TASP1: variants seen among roughly 807,000 people sequenced by gnomAD.
TASP1 encodes the protein threonine aspartase 1.
A neutral mutation model predicts 56.6 loss-of-function variants in TASP1; 16 were observed. The observed-to-expected ratio is 0.28, with a 90% CI of 0.19 to 0.43. The LOEUF is 0.43. Among genes scored for constraint, TASP1 ranks in the 20% least tolerant of loss-of-function variants. The probability of loss-of-function intolerance (pLI) is 1.00; values close to 1 mark genes in which losing one functional copy is unlikely to be tolerated. For synonymous variants in TASP1, 179 were observed against 184.2 expected, an observed-to-expected ratio of 0.97 and a Z score of 0.23; for missense variants, 393 against 511.6, an observed-to-expected ratio of 0.77 and a Z score of 2.24.
the TASP1 span, among the ~76,000 whole-genome samples, chr20:13,196,800 A>G: frequency 6.6e-6 from 1 of 152,156 alleles, no homozygotes; most frequent in Non-Finnish European, 1.5e-5. Flanking sequence ...TATAGCCCAC[A>G]TCATATCTCC....
the TASP1 span, among the ~76,000 whole-genome samples, chr20:13,235,863 A>T: frequency 5.9e-5 from 9 of 152,178 alleles, no homozygotes; most frequent in Admixed American, 5.2e-4. Context: ...AGATGCAACA[A>T]GAGAAACAGA....
At chr20:13,512,819 C>G (rs1045489675) in intron 10 of TASP1, among the ~76,000 whole-genome samples, 2 of 152,142 alleles carry the variant, frequency 1.3e-5, no homozygotes, top group East Asian at 3.8e-4. Flanking sequence ...CTTCTACATA[C>G]AGCTAGCCAG....
chr20:13,630,826 T>A (rs2049060850), intron 1 of TASP1, among the ~76,000 whole-genome samples: 1 of 152,214 alleles, frequency 6.6e-6, no homozygotes, highest in South Asian at 2.1e-4. Flanking sequence ...CAGTGTTTAT[T>A]ACCAGCCCAC....
chr20:13,271,705 C>T, the TASP1 span, among the ~76,000 whole-genome samples: 11 of 152,178 alleles, frequency 7.2e-5, no homozygotes, highest in Non-Finnish European at 1.6e-4. Context: ...CAAAGATGGT[C>T]CCCATGATGG....
In TASP1 at chr20:13,417,486, A is replaced by T. The variant is rs761006737; in HGVS notation, c.1132T>A (p.Cys378Ser). Residue 378 changes from cysteine to serine, a missense_variant, in exon 13 of 14, where the codon TGT becomes AGT. Cys to Ser is a moderately radical substitution (Grantham distance 112, BLOSUM62 -1). This residue lies in a region of TASP1 where 293 missense variants were observed against 354.2 expected (regional missense o/e 0.83). Coordinates refer to ENST00000337743, the MANE Select transcript of TASP1 (RefSeq NM_017714.3). ...FLWSHTTESM[C>S]VGYMSAQDGK... ...TCCTGGGCTGACATATATCCGACAC[A>T]CATGCTCTCCGTCGTGTGGCTCCAC... 2 of 1,614,180 alleles carry T rather than the reference A, an allele frequency of 1.2e-6. No homozygotes were observed. The highest frequency in any genetic ancestry group is 1.7e-6 in the Non-Finnish European group (2 of 1,180,014).
At chr20:13,359,045 AG>A in the TASP1 span, among the ~76,000 whole-genome samples, 14 of 149,326 alleles carry the variant, frequency 9.4e-5, no homozygotes, top group Admixed American at 8.0e-4. Flanking sequence ...CCGCTTTCCT[AG>A]GGGGCAAGAA....
At chr20:13,250,355 G>A in the TASP1 span, among the ~76,000 whole-genome samples, 241 of 152,316 alleles carry the variant, frequency 1.6e-3, 1 homozygote, top group Non-Finnish European at 2.7e-3. Flanking sequence ...GCTCAGAGTC[G>A]ATTCAGCTTG....
At chr20:13,599,794 A>T (rs1385709176) in intron 4 of TASP1, among the ~76,000 whole-genome samples, 1 of 151,270 alleles carries the variant, frequency 6.6e-6, no homozygotes, top group Non-Finnish European at 1.5e-5. Context: ...CGTGATTTAA[A>T]AAAAAAAAAA....
chr20:13,446,124 T>C (rs2043401751), intron 11 of TASP1, among the ~76,000 whole-genome samples: 1 of 152,100 alleles, frequency 6.6e-6, no homozygotes, highest in South Asian at 2.1e-4. Context: ...GGAGACAGTA[T>C]TTTAATCAGG....
chr20:13,483,258 G>A lies in TASP1; in HGVS notation c.954C>T (p.Ala318=). Residue 318 remains alanine, a synonymous_variant, in exon 11 of 14, where the codon GCC becomes GCT. Coordinates refer to ENST00000337743, the MANE Select transcript of TASP1 (RefSeq NM_017714.3). The stretch of plus-strand genomic sequence containing the variant: ...ACTTGTTTTGCATAGTCTCCAACAG[G>A]GCTTGGTGAGCATCCTCAGCTTGTA... ...HALQAEDAHQ[A]LLETMQNKFI... is the part of the protein sequence containing the mutation. The A allele has an allele frequency of 6.3e-7, 1 of 1,595,880 alleles. No homozygotes were observed. The highest frequency in any genetic ancestry group is 8.5e-7 in the Non-Finnish European group (1 of 1,170,578).
the TASP1 span, among the ~76,000 whole-genome samples, chr20:13,318,104 C>T: frequency 0.13 from 18,425 of 138,868 alleles, 1,253 homozygotes; most frequent in Admixed American, 0.2. Flanking sequence ...ACAAACAACC[C>T]GATTCTTTAA....
intron 11 of TASP1, among the ~76,000 whole-genome samples, chr20:13,459,316 C>A (rs879267561): frequency 2.0e-5 from 3 of 152,146 alleles, no homozygotes; most frequent in Admixed American, 2.0e-4. Flanking sequence ...ACAGTGCATA[C>A]CTTCTGGTTC....
At chr20:13,312,488 CAG>C in the TASP1 span, among the ~76,000 whole-genome samples, 3 of 152,196 alleles carry the variant, frequency 2.0e-5, no homozygotes, top group Admixed American at 2.0e-4. Context: ...CCCTCATGCA[CAG>C]TCTGAGATAA....
the TASP1 span, chr20:13,221,877 A>T: frequency 1.4e-6 from 2 of 1,412,732 alleles, no homozygotes; most frequent in East Asian, 6.1e-5. Context: ...GACGGGCCCG[A>T]CGCGGCCGCG....
intron 12 of TASP1, among the ~76,000 whole-genome samples, chr20:13,433,048 C>T (rs928892663): frequency 2.6e-5 from 4 of 152,080 alleles, no homozygotes; most frequent in Non-Finnish European, 5.9e-5. Context: ...CATAGGTATA[C>T]ACGTGCCATG....
the TASP1 span, among the ~76,000 whole-genome samples, chr20:13,156,100 A>G: frequency 3.9e-5 from 6 of 152,208 alleles, no homozygotes; most frequent in African/African-American, 1.4e-4. Context: ...ACATTTATTC[A>G]AAATGATTGG....
At chr20:13,276,033 G>A in the TASP1 span, among the ~76,000 whole-genome samples, 5 of 152,228 alleles carry the variant, frequency 3.3e-5, no homozygotes, top group Admixed American at 1.3e-4. Flanking sequence ...GCAGGTGTGA[G>A]AAGAGGGAAT....
At chr20:13,508,528 C>G (rs1267659282) in intron 10 of TASP1, among the ~76,000 whole-genome samples, 1 of 152,048 alleles carries the variant, frequency 6.6e-6, no homozygotes, top group African/African-American at 2.4e-5. Context: ...CTGAAAAACT[C>G]CGAAATTCAA....
chr20:13,385,194 C>A (rs2041155449), downstream of TASP1, among the ~76,000 whole-genome samples: 1 of 152,190 alleles, frequency 6.6e-6, no homozygotes, highest in Non-Finnish European at 1.5e-5. Flanking sequence ...CTGGCCTCTG[C>A]AAATTTCTTA....
Sources: gnomAD v4.1 joint callset for allele counts (sites outside exome capture counted in the v4.1 genomes callset) on GRCh38, gnomAD v4.1.1 for gene constraint, gnomAD v4.1.1 regional missense constraint, MANE v1.5 for transcripts, NCBI Gene and HGNC (gene_info 2026-07-23, HGNC 2026-07-21) for gene names.